Variants in RBX1 observed in about 807,000 individuals in gnomAD.
RBX1 encodes ring-box 1.
For synonymous variants in RBX1, 48 were observed against 47.9 expected (o/e 1.00, Z -0.01); for missense variants, 46 against 141.4 (o/e 0.33, Z 3.42).
chr22:40,968,956 T>G (rs546240545), intron 4 of RBX1, among the ~76,000 whole-genome samples: 1 of 152,292 alleles, frequency 6.6e-6, no homozygotes, highest in East Asian at 1.9e-4. Flanking sequence ...TAAATGTACC[T>G]TAACTTTTTT....
At chr22:40,965,873 G>T (rs565092584) in intron 3 of RBX1, among the ~76,000 whole-genome samples, 3 of 152,122 alleles carry the variant, frequency 2.0e-5, no homozygotes, top group Non-Finnish European at 1.5e-5. Flanking sequence ...TGGGCTCTTT[G>T]CCCTTTCTGG....
chr22:40,965,008 A>G (rs1763391506), intron 3 of RBX1, among the ~76,000 whole-genome samples: 2 of 152,212 alleles, frequency 1.3e-5, no homozygotes, highest in Admixed American at 6.5e-5. Context: ...GTGCTTGTTA[A>G]AAAAAATCTA....
intron 3 of RBX1, among the ~76,000 whole-genome samples, chr22:40,965,414 GGTTTTTTGTTTTTTTTTTT>G (rs1463985305): frequency 1.3e-5 from 2 of 151,102 alleles, no homozygotes; most frequent in African/African-American, 2.4e-5. Context: ...TACCTACACT[GGTTTTTTGTTTTTTTTTTT>G]GTTTTTTGTT....
intron 2 of RBX1, among the ~76,000 whole-genome samples, chr22:40,962,036 G>A (rs1167609971): frequency 6.6e-6 from 1 of 151,902 alleles, no homozygotes; most frequent in African/African-American, 2.4e-5. Context: ...CGTCACCCTC[G>A]TCCTTCCAAA....
At chr22:40,960,724 A>G (rs762582306) in intron 2 of RBX1, among the ~76,000 whole-genome samples, 2 of 152,088 alleles carry the variant, frequency 1.3e-5, no homozygotes, top group African/African-American at 4.8e-5. Context: ...TCCAGTTTCA[A>G]TAAGTTCTTA....
intron 3 of RBX1, among the ~76,000 whole-genome samples, chr22:40,964,640 T>C (rs146854087): frequency 0.041 from 6,235 of 152,334 alleles, 207 homozygotes; most frequent in Non-Finnish European, 0.056. Flanking sequence ...GTGTGACAGC[T>C]GTGAAGGATA....
chr22:40,959,522 T>C (rs1054508535), intron 2 of RBX1, among the ~76,000 whole-genome samples: 1 of 152,196 alleles, frequency 6.6e-6, no homozygotes, highest in Admixed American at 6.5e-5. Context: ...TAGTAAAGAA[T>C]GAATCTGGCC....
chr22:40,956,672 T>C (rs1377605244), intron 2 of RBX1, among the ~76,000 whole-genome samples: 3 of 151,802 alleles, frequency 2.0e-5, no homozygotes, highest in Admixed American at 6.6e-5. Flanking sequence ...ACCACCCCCC[T>C]TGGCCTCCCA....
At chr22:40,951,547 G>C in intron 1 of RBX1, 71 bp downstream of exon 1, 1 of 1,452,796 alleles carries the variant, frequency 6.9e-7, no homozygotes, top group Non-Finnish European at 9.5e-7. Flanking sequence ...CCCGAGGATG[G>C]TCGAGGCGCG....
chr22:40,965,147 C>G (rs1281854683), intron 3 of RBX1, among the ~76,000 whole-genome samples: 2 of 151,772 alleles, frequency 1.3e-5, no homozygotes, highest in Non-Finnish European at 2.9e-5. Context: ...ACTAAAAATA[C>G]AAAAAATTAG....
At chr22:40,954,703 C>A (rs908217726) in intron 2 of RBX1, among the ~76,000 whole-genome samples, 3 of 151,168 alleles carry the variant, frequency 2.0e-5, no homozygotes, top group Non-Finnish European at 4.4e-5. Flanking sequence ...TGTCTTGAGT[C>A]ACTCCTGCTC....
chr22:40,962,997 A>G (rs954245852), intron 2 of RBX1, among the ~76,000 whole-genome samples: 5 of 145,368 alleles, frequency 3.4e-5, no homozygotes, highest in Non-Finnish European at 6.0e-5. Context: ...CGCCTGGCCT[A>G]CTCCTGGCTA....
intron 2 of RBX1, among the ~76,000 whole-genome samples, chr22:40,961,105 G>C (rs1374748083): frequency 1.8e-4 from 5 of 27,932 alleles, no homozygotes; most frequent in Non-Finnish European, 3.8e-4. Context: ...TTTTTTTTTT[G>C]ATAACAAGGT....
chr22:40,952,067 C>G (rs934371081), intron 1 of RBX1, among the ~76,000 whole-genome samples: 5 of 152,264 alleles, frequency 3.3e-5, no homozygotes, highest in Admixed American at 6.5e-5. Flanking sequence ...TCTGAGACGT[C>G]TGTTGGCTTT....
chr22:40,972,607 G>T lies in RBX1; in HGVS notation c.*119G>T, dbSNP rs2058372076. 1 of 830,640 alleles carries T rather than the reference G, an allele frequency of 1.2e-6. No individual in the cohort carries two copies. The highest frequency in any genetic ancestry group is 1.7e-5 in the African/African-American group (1 of 58,888). The allele number at this position is 830,640 out of a possible 1,614,324, so 51.5% of individuals were successfully genotyped here. ...TTTTTCTGCTTTGTTTTTTCAGTTT[G>T]CTGTTTCTGTAGCCATATTGTATTC... On this transcript the variant is annotated 3_prime_UTR_variant, in exon 5 of 5. Coordinates refer to ENST00000216225, the MANE Select transcript of RBX1 (RefSeq NM_014248.4).
chr22:40,967,642 A>G (rs1601539367), intron 3 of RBX1, 157 bp from the exon 4 acceptor site: 1 of 568,540 alleles, frequency 1.8e-6, no homozygotes, highest in Non-Finnish European at 3.1e-6. Flanking sequence ...GCATCTAACC[A>G]AGATATAATC....
chr22:40,952,715 C>CAAAG (rs34126667), intron 1 of RBX1, among the ~76,000 whole-genome samples: 2 of 700 alleles, frequency 2.9e-3, no homozygotes, highest in African/African-American at 3.8e-3. Context: ...TGGTAAGAAT[C>CAAAG]AAAATTCTAG....
chr22:40,967,389 A>G, intron 3 of RBX1: 1 of 160,282 alleles, frequency 6.2e-6, no homozygotes, highest in Admixed American at 6.1e-5. Flanking sequence ...CTCCAGGGGC[A>G]GGAGGGTGGG....
chr22:40,972,262 AAG>A (rs2058371121), intron 4 of RBX1, among the ~76,000 whole-genome samples: 1 of 152,110 alleles, frequency 6.6e-6, no homozygotes, highest in Non-Finnish European at 1.5e-5. Context: ...GCCTGTCCCT[AAG>A]AGGGGGCAGT....
Sources: allele counts gnomAD v4.1 joint callset (sites outside exome capture counted in the v4.1 genomes callset), GRCh38; gene constraint gnomAD v4.1.1; transcripts MANE v1.5; gene names NCBI Gene and HGNC (gene_info 2026-07-23, HGNC 2026-07-21).